The following PICALM variants were observed in gnomAD, a reference collection of about 807,000 sequenced individuals.
PICALM encodes the protein phosphatidylinositol binding clathrin assembly protein, also known as phosphatidylinositol-binding clathrin assembly protein.
PICALM carries 40 observed loss-of-function variants against 80.5 expected under a neutral mutation model. The ratio of observed to expected loss-of-function variants is 0.50; its 90% CI spans 0.39 to 0.65. The LOEUF (loss-of-function observed/expected upper bound fraction) is 0.65. Among genes scored for constraint, PICALM ranks in the 30% least tolerant of loss-of-function variants. PICALM has a pLI of 0.00. For missense variants in PICALM, 676 were observed against 778.9 expected, an observed-to-expected ratio of 0.87 and a Z score of 1.57; for synonymous variants, 288 against 260.3, an observed-to-expected ratio of 1.11 and a Z score of -1.02.
chr11:86,053,222 T>C (rs1006108906), intron 1 of PICALM, among the ~76,000 whole-genome samples: 1 of 152,222 alleles, frequency 6.6e-6, no homozygotes, highest in Admixed American at 6.5e-5. Context: ...TGCACCTCAG[T>C]ATGTTAAAAC....
Position 85,960,697 on chromosome 11 carries a change from C to A in PICALM, c.1945-1637G>T, listed in dbSNP as rs1033524971. On this transcript the variant is annotated intron_variant, in intron 19 of 19. Coordinates refer to ENST00000393346, the MANE Select transcript of PICALM (RefSeq NM_007166.4). ...TACCTAAAGTGATTTATAAGAAATC[C>A]TCCAAAGAGAGCTCTGCAAAGGGGT... 14 of 1,313,932 alleles carry A rather than the reference C, an allele frequency of 1.1e-5. No homozygotes were observed. In the African/African-American group the frequency reaches 2.1e-4, roughly 20 times the overall value. 81.4% of individuals were successfully genotyped at this position (1,313,932 alleles called of 1,614,324 possible). A position where few individuals can be genotyped will look rare whatever the true frequency, so the allele number is the denominator to read the frequency against.
chr11:86,048,420 TTATACTC>T (rs974562412), intron 1 of PICALM, among the ~76,000 whole-genome samples: 1 of 152,126 alleles, frequency 6.6e-6, no homozygotes, highest in African/African-American at 2.4e-5. Flanking sequence ...AAATGAGGGT[TTATACTC>T]TATAAAGTCT....
intron 1 of PICALM, among the ~76,000 whole-genome samples, chr11:86,056,808 G>C (rs1380909168): frequency 1.3e-5 from 2 of 152,182 alleles, no homozygotes; most frequent in African/African-American, 2.4e-5. Flanking sequence ...ATGAAATGTG[G>C]GTAACTATAC....
At chr11:85,989,853 C>G (rs1652785546) in intron 13 of PICALM, among the ~76,000 whole-genome samples, 1 of 151,990 alleles carries the variant, frequency 6.6e-6, no homozygotes, top group Admixed American at 6.6e-5. Context: ...TAACCACCCT[C>G]TCTCCCAAGC....
chr11:85,963,920 C>CTTTTTTTTTTTT (rs10686143), intron 19 of PICALM, among the ~76,000 whole-genome samples: 1 of 72,890 alleles, frequency 1.4e-5, no homozygotes, highest in African/African-American at 5.0e-5. Context: ...CCACACCTGG[C>CTTTTTTTTTTTT]TTTTTTTTTT....
At chr11:86,053,546 T>C (rs1023095374) in intron 1 of PICALM, among the ~76,000 whole-genome samples, 5 of 152,234 alleles carry the variant, frequency 3.3e-5, no homozygotes, top group Non-Finnish European at 7.3e-5. Flanking sequence ...GTAATGCTAA[T>C]GAGCATATTA....
intron 13 of PICALM, among the ~76,000 whole-genome samples, chr11:85,985,028 C>T (rs1311851713): frequency 6.6e-6 from 1 of 152,092 alleles, no homozygotes; most frequent in Non-Finnish European, 1.5e-5. Context: ...CTAAATTCTA[C>T]TAAGTCAGAA....
At chr11:85,988,082 T>C (rs543162536) in intron 13 of PICALM, among the ~76,000 whole-genome samples, 2 of 152,360 alleles carry the variant, frequency 1.3e-5, no homozygotes, top group African/African-American at 4.8e-5. Flanking sequence ...TGTCAAACAT[T>C]CTTTTTAATG....
At chr11:86,054,919 G>A (rs558951246) in intron 1 of PICALM, among the ~76,000 whole-genome samples, 30 of 152,214 alleles carry the variant, frequency 2.0e-4, no homozygotes, top group Admixed American at 1.6e-3. Context: ...TTACAGGCGT[G>A]AGCCACTGTG....
intron 1 of PICALM, among the ~76,000 whole-genome samples, chr11:86,045,110 T>G (rs2096048707): frequency 6.6e-6 from 1 of 152,190 alleles, no homozygotes; most frequent in Non-Finnish European, 1.5e-5. Context: ...TAATACTCTC[T>G]AAGTGGAAAA....
intron 18 of PICALM, among the ~76,000 whole-genome samples, chr11:85,975,287 T>A (rs963171511): frequency 3.5e-5 from 5 of 144,478 alleles, no homozygotes; most frequent in African/African-American, 1.3e-4. Context: ...GTTCTTCCAT[T>A]TTATTTCATA....
intron 13 of PICALM, among the ~76,000 whole-genome samples, chr11:85,988,019 A>G (rs72959177): frequency 0.16 from 24,937 of 152,230 alleles, 2,633 homozygotes; most frequent in Middle Eastern, 0.24. Context: ...CCATTTTAAA[A>G]TACATTTAGT....
At chr11:85,963,935 T>TTTTTA (rs1302061416) in intron 19 of PICALM, among the ~76,000 whole-genome samples, 3 of 148,964 alleles carry the variant, frequency 2.0e-5, no homozygotes, top group Non-Finnish European at 4.5e-5. Context: ...TTTTTTTTTT[T>TTTTTA]TTTTTTTTAT....
At chr11:86,009,276 C>CAGCA (rs1215054541) in intron 7 of PICALM, among the ~76,000 whole-genome samples, 1 of 93,898 alleles carries the variant, frequency 1.1e-5, no homozygotes, top group Non-Finnish European at 1.9e-5. Flanking sequence ...CTGGGTGACA[C>CAGCA]AGCAAGTCTC....
chr11:85,989,019 T>C (rs781052460), intron 13 of PICALM, among the ~76,000 whole-genome samples: 23 of 152,212 alleles, frequency 1.5e-4, no homozygotes, highest in Non-Finnish European at 3.2e-4. Context: ...GACTCTCCTT[T>C]ATGTACAATT....
chr11:86,044,855 T>C (rs2096042980), intron 1 of PICALM, among the ~76,000 whole-genome samples: 1 of 152,212 alleles, frequency 6.6e-6, no homozygotes, highest in Non-Finnish European at 1.5e-5. Context: ...ATGCCTATGA[T>C]CGAGGTGGAA....
intron 16 of PICALM, 53 bp downstream of exon 16, chr11:85,981,692 G>A: frequency 7.3e-7 from 1 of 1,372,650 alleles, no homozygotes. Context: ...ATAACACATG[G>A]AGAAAACACT....
chr11:85,968,931 T>C (rs2093999701), intron 19 of PICALM, among the ~76,000 whole-genome samples: 1 of 139,554 alleles, frequency 7.2e-6, no homozygotes, highest in Non-Finnish European at 1.6e-5. Flanking sequence ...ATCTAAAAAA[T>C]ACAGAAAAAT....
At chr11:86,066,853 C>G (rs925284307) in intron 1 of PICALM, among the ~76,000 whole-genome samples, 1 of 151,804 alleles carries the variant, frequency 6.6e-6, no homozygotes, top group Non-Finnish European at 1.5e-5. Context: ...ATTTGAAGAG[C>G]CGTAAATAGC....
Sources: gnomAD v4.1 joint callset for allele counts (sites outside exome capture counted in the v4.1 genomes callset) on GRCh38, gnomAD v4.1.1 for gene constraint, MANE v1.5 for transcripts, NCBI Gene and HGNC (gene_info 2026-07-23, HGNC 2026-07-21) for gene names.